Variants in BNC2 observed in about 807,000 individuals in gnomAD.
The protein encoded by BNC2 is basonuclin zinc finger protein 2.
BNC2 carries 20 observed loss-of-function variants against 76.3 expected under a neutral mutation model. The observed-to-expected ratio is 0.26, with a 90% CI of 0.18 to 0.38. BNC2 has a LOEUF of 0.38. Ranked by LOEUF, BNC2 falls within the 10% of genes least tolerant of loss-of-function variation. The probability of loss-of-function intolerance (pLI) is 1.00; values close to 1 mark genes in which losing one functional copy is unlikely to be tolerated. For missense variants in BNC2, 1,382 were observed against 1,399.8 expected, an observed-to-expected ratio of 0.99 and a Z score of 0.20; for synonymous variants, 582 against 514.8, an observed-to-expected ratio of 1.13 and a Z score of -1.77.
intron 5 of BNC2, among the ~76,000 whole-genome samples, chr9:16,502,340 T>TTTG (rs1563813141): frequency 6.6e-6 from 1 of 152,218 alleles, no homozygotes; most frequent in Non-Finnish European, 1.5e-5. Context: ...AGAGCAAGAC[T>TTTG]CTGTCTCTAA....
At chr9:16,431,436 G>T (rs201937467) in intron 6 of BNC2, 2 of 470,108 alleles carry the variant, frequency 4.3e-6, no homozygotes, top group Admixed American at 2.3e-5. Context: ...CTCTTCAAGA[G>T]AATCTCCCGT....
intron 5 of BNC2, among the ~76,000 whole-genome samples, chr9:16,534,695 T>A (rs1818076907): frequency 6.6e-6 from 1 of 152,146 alleles, no homozygotes; most frequent in Non-Finnish European, 1.5e-5. Context: ...ATGAACAAAC[T>A]AGTTTTCTAT....
At chr9:16,441,412 G>A (rs954699225) in intron 5 of BNC2, among the ~76,000 whole-genome samples, 2 of 152,216 alleles carry the variant, frequency 1.3e-5, no homozygotes, top group Non-Finnish European at 2.9e-5. Flanking sequence ...TAACAAGTGT[G>A]CAAGCTGGAT....
intron 4 of BNC2, among the ~76,000 whole-genome samples, chr9:16,579,282 T>C (rs1328719296): frequency 1.3e-5 from 2 of 149,858 alleles, no homozygotes; most frequent in South Asian, 2.1e-4. Flanking sequence ...CTTTAATTTA[T>C]TATTTTTTTT....
At chr9:16,781,246 G>GATCTGGCTTCAAGACCTCATGTT (rs58363689) in intron 1 of BNC2, among the ~76,000 whole-genome samples, 1 of 151,932 alleles carries the variant, frequency 6.6e-6, no homozygotes, top group South Asian at 2.1e-4. Flanking sequence ...AAGGTCTGAA[G>GATCTGGCTTCAAGACCTCATGTT]ATCAGGGCTG....
intron 5 of BNC2, among the ~76,000 whole-genome samples, chr9:16,469,451 A>T (rs142863366): frequency 6.6e-6 from 1 of 152,338 alleles, no homozygotes; most frequent in African/African-American, 2.4e-5. Flanking sequence ...CTATGTAAGC[A>T]GTGGCTTTCG....
intron 1 of BNC2, among the ~76,000 whole-genome samples, chr9:16,856,474 T>A (rs2136185152): frequency 6.6e-6 from 1 of 152,306 alleles, no homozygotes; most frequent in South Asian, 2.1e-4. Context: ...GATCTCACTA[T>A]CTTGCCCAGG....
intron 1 of BNC2, among the ~76,000 whole-genome samples, chr9:16,761,952 T>C (rs1051070133): frequency 6.6e-6 from 1 of 152,190 alleles, no homozygotes; most frequent in Non-Finnish European, 1.5e-5. Context: ...TTTATCATGA[T>C]ACTCAAAGTA....
intron 4 of BNC2, among the ~76,000 whole-genome samples, chr9:16,561,373 G>C (rs1314850134): frequency 6.6e-6 from 1 of 152,122 alleles, no homozygotes; most frequent in Non-Finnish European, 1.5e-5. Context: ...AGTGAAGAGA[G>C]CAGGGCATTT....
At chr9:16,660,327 G>A (rs569195629) in intron 3 of BNC2, among the ~76,000 whole-genome samples, 7 of 152,162 alleles carry the variant, frequency 4.6e-5, no homozygotes, top group South Asian at 2.1e-4. Flanking sequence ...GGTGGCACAC[G>A]CCTGTAATCC....
intron 5 of BNC2, among the ~76,000 whole-genome samples, chr9:16,551,350 C>CAAGAGAG (rs562487659): frequency 1.1e-3 from 164 of 152,302 alleles, no homozygotes; most frequent in African/African-American, 3.8e-3. Flanking sequence ...GCTGGAGGTA[C>CAAGAGAG]CACACAGGAA....
At chr9:16,548,675 G>C (rs1422255559) in intron 5 of BNC2, among the ~76,000 whole-genome samples, 1 of 152,158 alleles carries the variant, frequency 6.6e-6, no homozygotes, top group Non-Finnish European at 1.5e-5. Context: ...AAAGTGCTGG[G>C]ATTACAGGCG....
chr9:16,473,603 GGT>G (rs1821868861), intron 5 of BNC2, among the ~76,000 whole-genome samples: 1 of 152,098 alleles, frequency 6.6e-6, no homozygotes, highest in South Asian at 2.1e-4. Context: ...GACCGGGCGT[GGT>G]GGCTCATGCG....
chr9:16,532,212 G>A (rs1346661106), intron 5 of BNC2, among the ~76,000 whole-genome samples: 4 of 145,262 alleles, frequency 2.8e-5, no homozygotes, highest in African/African-American at 1.1e-4. Context: ...CAACAGCCAA[G>A]AGACATACAG....
chr9:16,844,418 TA>T (rs796602705), intron 1 of BNC2, among the ~76,000 whole-genome samples: 34 of 145,544 alleles, frequency 2.3e-4, no homozygotes, highest in Admixed American at 3.4e-4. Flanking sequence ...AACATTCCTT[TA>T]AAAAAAAAAG....
chr9:16,423,482 A>G (rs1820747177), intron 6 of BNC2, among the ~76,000 whole-genome samples: 1 of 152,198 alleles, frequency 6.6e-6, no homozygotes. Context: ...TTAGCCCCAG[A>G]CGTTCACTTT....
chr9:16,721,875 C>G (rs1824167411), intron 3 of BNC2, among the ~76,000 whole-genome samples: 1 of 152,060 alleles, frequency 6.6e-6, no homozygotes, highest in African/African-American at 2.4e-5. Flanking sequence ...TAGACACAAG[C>G]TAAAAACAAA....
At chr9:16,740,219 C>A (rs139749605) in intron 1 of BNC2, among the ~76,000 whole-genome samples, 711 of 152,146 alleles carry the variant, frequency 4.7e-3, no homozygotes, top group Middle Eastern at 0.02. Context: ...TGGTTAAAAC[C>A]AAGTGAAATA....
At chr9:16,587,163 A>C (rs986641338) in intron 3 of BNC2, among the ~76,000 whole-genome samples, 2 of 151,942 alleles carry the variant, frequency 1.3e-5, no homozygotes, top group Non-Finnish European at 2.9e-5. Flanking sequence ...CAGATCTATA[A>C]ATCAGAAACA....
Sources: allele counts gnomAD v4.1 joint callset (sites outside exome capture counted in the v4.1 genomes callset), GRCh38; gene constraint gnomAD v4.1.1; transcripts MANE v1.5; gene names NCBI Gene and HGNC (gene_info 2026-07-23, HGNC 2026-07-21).